Variants in CACNG1 observed in about 807,000 individuals in gnomAD.
CACNG1 encodes the protein calcium voltage-gated channel auxiliary subunit gamma 1.
In CACNG1, 21 loss-of-function variants were observed where a neutral mutation model predicts 22.0. The ratio of observed to expected loss-of-function variants is 0.95; its 90% CI spans 0.68 to 1.37. The LOEUF is 1.37. Ranked by LOEUF, CACNG1 falls within the 40% of genes most tolerant of loss-of-function variation. CACNG1 has a pLI of 0.00. For missense variants in CACNG1, 291 were observed against 308.6 expected (o/e 0.94, Z 0.43); for synonymous variants, 127 against 129.2 (o/e 0.98, Z 0.12).
In CACNG1 at chr17:67,055,671, C is replaced by T. The variant is rs892463998; in HGVS notation, c.443-374C>T. On this transcript the variant is annotated intron_variant, in intron 3 of 3. Transcript: ENST00000226021. The surrounding 1 kb of genome is among the most constrained non-coding windows in gnomAD (Gnocchi z 4.5). ...GCCTCCTAGTAGCTGGGACTACAGA[C>T]GTGCACCACCACACCTGGCTAATTT... 3.3e-5 allele frequency among the ~76,000 whole-genome samples: 5 copies of T among 152,096 alleles called. No individual in the cohort carries two copies. Among genetic ancestry groups the T allele is most frequent in the East Asian group, 1.9e-4 (1 of 5,172 alleles).
chr17:67,056,262 C>G lies in CACNG1; in HGVS notation c.660C>G (p.Pro220=), dbSNP rs773768347. 3.1e-6 allele frequency: 5 copies of G among 1,613,834 alleles called. No homozygotes were observed. The Admixed American group carries it at 6.7e-5, about 22-fold the overall frequency. Reference sequence around the variant, plus strand: ...GGGAGTCCTGCATGGATGCTGAGCCCGAGCACTAACCCTCCTGCGGCCCTA... The same window carrying G: ...GGGAGTCCTGCATGGATGCTGAGCCGGAGCACTAACCCTCCTGCGGCCCTA... ...NPWESCMDAE[P]EH The change falls in exon 4 of 4, where the codon CCC becomes CCG. Residue 220 remains proline, a synonymous_variant. Transcript: ENST00000226021. The surrounding 1 kb of genome is among the most constrained non-coding windows in gnomAD (Gnocchi z 4.3).
rs973012801 is a variant in CACNG1, at chr17:67,056,641, G to T, written c.*370G>T. 1 of 231,784 alleles carries T rather than the reference G, an allele frequency of 4.3e-6. No homozygotes were observed. Among genetic ancestry groups the T allele is most frequent in the African/African-American group, 2.2e-5 (1 of 44,502 alleles). The allele number at this position is 231,784 out of a possible 1,614,324, so 14.4% of individuals were successfully genotyped here. On this transcript the variant is annotated 3_prime_UTR_variant, in exon 4 of 4. Transcript: ENST00000226021. This position sits in a 1 kb window ranked among gnomAD's most constrained non-coding sequence, Gnocchi z 4.3. Reference sequence around the variant, plus strand: ...GGGACAACCTGTGTTTGCCAGCTGGGTGTTCCGTGTAAATAGCCAGCCTGT... The same window carrying T: ...GGGACAACCTGTGTTTGCCAGCTGGTTGTTCCGTGTAAATAGCCAGCCTGT...
chr17:67,048,288 T>C (rs1257371351), intron 1 of CACNG1, among the ~76,000 whole-genome samples: 3 of 128,806 alleles, frequency 2.3e-5, no homozygotes, highest in Non-Finnish European at 3.2e-5. Flanking sequence ...CTGGGCAATA[T>C]AGCAAGACCC....
chr17:67,053,218 T>G (rs1197019510), intron 1 of CACNG1, among the ~76,000 whole-genome samples: 1 of 152,156 alleles, frequency 6.6e-6, no homozygotes, highest in Admixed American at 6.5e-5. Flanking sequence ...CATTCAGCCC[T>G]CGTAGGGGTT....
At chr17:67,052,914 A>G (rs1276221335) in intron 1 of CACNG1, among the ~76,000 whole-genome samples, 2 of 152,090 alleles carry the variant, frequency 1.3e-5, no homozygotes, top group African/African-American at 4.8e-5. Flanking sequence ...TGCTGGGATT[A>G]CAGGTGTGAG....
rs774331354 is a variant in CACNG1, at chr17:67,056,019, C to T, written c.443-26C>T. ...GGCTACGGCAGACGCCCCTCGGTCC[C>T]TGAGCATGCCTGGCTCTGCCCCCAG... On this transcript the variant is annotated intron_variant, in intron 3 of 3. Coordinates refer to ENST00000226021, the MANE Select transcript of CACNG1 (RefSeq NM_000727.4). This position sits in a 1 kb window ranked among gnomAD's most constrained non-coding sequence, Gnocchi z 4.3. 46 of 1,594,112 alleles carry T rather than the reference C, an allele frequency of 2.9e-5. No individual in the cohort carries two copies. The East Asian group carries it at 9.8e-4, about 34-fold the overall frequency.
rs114830174 is a variant in CACNG1, at chr17:67,056,064, G to C, written c.462G>C (p.Ser154=). ...YAFAGLCILV[S]VEVMRQSVKR... ...CCCCAGGTCTCTGCATCCTCGTCTC[G>C]GTGGAGGTCATGCGGCAGTCGGTGA... is the stretch of plus-strand genomic sequence containing the variant. Residue 154 remains serine (S), a synonymous_variant, in exon 4 of 4, where the codon TCG becomes TCC. Coordinates refer to ENST00000226021, the MANE Select transcript of CACNG1 (RefSeq NM_000727.4). This position sits in a 1 kb window ranked among gnomAD's most constrained non-coding sequence, Gnocchi z 4.3. The C allele has an allele frequency of 1.1e-5, 17 of 1,611,960 alleles. No homozygotes were observed. Among genetic ancestry groups the C allele is most frequent in the Non-Finnish European group, 1.4e-5 (17 of 1,179,984 alleles).
At chr17:67,047,634 C>T (rs757022899) in intron 1 of CACNG1, among the ~76,000 whole-genome samples, 4 of 152,174 alleles carry the variant, frequency 2.6e-5, no homozygotes, top group Non-Finnish European at 5.9e-5. Flanking sequence ...TGCAAATAGT[C>T]TTTCTCCCTG....
intron 1 of CACNG1, among the ~76,000 whole-genome samples, chr17:67,051,420 A>G (rs1410559666): frequency 1.3e-5 from 2 of 152,172 alleles, no homozygotes; most frequent in Non-Finnish European, 2.9e-5. Context: ...GGGCAGCCAC[A>G]TAGCCCAGGA....
In CACNG1 at chr17:67,054,533, C is replaced by T. The variant is rs1156565280; in HGVS notation, c.304+463C>T. Among the ~76,000 whole-genome samples, 1 of 152,190 alleles carries T rather than the reference C, an allele frequency of 6.6e-6. No homozygotes were observed. Among genetic ancestry groups the T allele is most frequent in the Non-Finnish European group, 1.5e-5 (1 of 68,040 alleles). On this transcript the variant is annotated intron_variant, in intron 2 of 3. Coordinates refer to ENST00000226021, the MANE Select transcript of CACNG1 (RefSeq NM_000727.4). This position sits in a 1 kb window ranked among gnomAD's most constrained non-coding sequence, Gnocchi z 4.6. ...GATCCGCAGAGCTCAGACGCACACC[C>T]ATTGTCGGGAGTACAGACCCGTGCC... is the stretch of plus-strand genomic sequence containing the variant.
At chr17:67,053,740 G>T (rs2035741572) in intron 1 of CACNG1, among the ~76,000 whole-genome samples, 1 of 152,222 alleles carries the variant, frequency 6.6e-6, no homozygotes, top group African/African-American at 2.4e-5. Context: ...AGAACCCACA[G>T]GCCGTCTGCC....
At position 67,054,334 on chromosome 17, in the gene CACNG1, A is replaced by G. The variant is rs1056701456; in HGVS notation, c.304+264A>G. 6.6e-6 allele frequency among the ~76,000 whole-genome samples: 1 copy of G among 152,088 alleles called. No homozygotes were observed. Among genetic ancestry groups the G allele is most frequent in the Non-Finnish European group, 1.5e-5 (1 of 68,012 alleles). On this transcript the variant is annotated intron_variant, in intron 2 of 3. Transcript: ENST00000226021. The surrounding 1 kb of genome is among the most constrained non-coding windows in gnomAD (Gnocchi z 4.6). Reference sequence around the variant, plus strand: ...GCACCTCCTGGTAGGCCCCTACACAAGGGCAGCTGTTGTGACGGGAGGTGT... The same window carrying G: ...GCACCTCCTGGTAGGCCCCTACACAGGGGCAGCTGTTGTGACGGGAGGTGT...
At chr17:67,046,646 C>T (rs1286841346) in intron 1 of CACNG1, among the ~76,000 whole-genome samples, 2 of 152,162 alleles carry the variant, frequency 1.3e-5, no homozygotes, top group African/African-American at 4.8e-5. Context: ...AGCCTCCAGC[C>T]AACTCCCCTG....
intron 1 of CACNG1, among the ~76,000 whole-genome samples, chr17:67,053,194 C>T (rs1262488475): frequency 6.6e-6 from 1 of 152,128 alleles, no homozygotes; most frequent in Non-Finnish European, 1.5e-5. Flanking sequence ...CCCAGTGAAA[C>T]CACATGATGG....
In CACNG1 at chr17:67,054,977, TGAC is replaced by T; in HGVS notation, c.305-125_305-123del. On this transcript the variant is annotated intron_variant, in intron 2 of 3. Coordinates refer to ENST00000226021, the MANE Select transcript of CACNG1 (RefSeq NM_000727.4). The surrounding 1 kb of genome is among the most constrained non-coding windows in gnomAD (Gnocchi z 4.6). Reference sequence around the variant, plus strand: ...CAAGACAGACACAGAGACACACACTTGACACACACACAATGACACACACAGACA... The same window carrying T: ...CAAGACAGACACAGAGACACACACTTACACACACAATGACACACACAGACA... 1.1e-6 allele frequency: 1 copy of T among 925,460 alleles called. No homozygotes were observed. Among genetic ancestry groups the T allele is most frequent in the South Asian group, 1.8e-5 (1 of 56,198 alleles). 57.3% of individuals were successfully genotyped at this position (925,460 alleles called of 1,614,324 possible).
intron 1 of CACNG1, among the ~76,000 whole-genome samples, chr17:67,048,208 A>G (rs1439355818): frequency 1.3e-5 from 2 of 150,128 alleles, no homozygotes; most frequent in African/African-American, 4.9e-5. Context: ...GTGGTGGCTC[A>G]CTCCTGTATT....
rs1043954998 is a variant in CACNG1, at chr17:67,054,553, C to G, written c.304+483C>G. Among the ~76,000 whole-genome samples the G allele has an allele frequency of 1.3e-5, 2 of 152,116 alleles. No individual in the cohort carries two copies. Among genetic ancestry groups the G allele is most frequent in the African/African-American group, 2.4e-5 (1 of 41,424 alleles). ...ACACCCATTGTCGGGAGTACAGACC[C>G]GTGCCTGCCTGCGCCCAGACAGCTG... On this transcript the variant is annotated intron_variant, in intron 2 of 3. Transcript: ENST00000226021. The surrounding 1 kb of genome is among the most constrained non-coding windows in gnomAD (Gnocchi z 4.6).
intron 1 of CACNG1, among the ~76,000 whole-genome samples, chr17:67,045,932 G>A (rs1487717909): frequency 1.3e-5 from 2 of 152,178 alleles, no homozygotes; most frequent in Admixed American, 6.5e-5. Context: ...CGTATTCCTC[G>A]ATTTCCTACC....
At chr17:67,053,612 G>A (rs777663204) in intron 1 of CACNG1, among the ~76,000 whole-genome samples, 13 of 152,232 alleles carry the variant, frequency 8.5e-5, no homozygotes, top group Non-Finnish European at 1.5e-4. Flanking sequence ...TCCCCTGGGG[G>A]GGCAGAATCG....
Sources: allele counts gnomAD v4.1 joint callset (sites outside exome capture counted in the v4.1 genomes callset), GRCh38; gene constraint gnomAD v4.1.1; non-coding constraint Gnocchi (gnomAD v3.1); transcripts MANE v1.5; gene names NCBI Gene and HGNC (gene_info 2026-07-23, HGNC 2026-07-21).